Variants in IL6ST observed in about 807,000 individuals in gnomAD.
The protein encoded by IL6ST is interleukin 6 cytokine family signal transducer.
In IL6ST, 24 loss-of-function variants were observed where a neutral mutation model predicts 91.3. The ratio of observed to expected loss-of-function variants is 0.26; its 90% CI spans 0.19 to 0.37. IL6ST has a LOEUF of 0.37. IL6ST is among the 10% of genes least tolerant of loss of function. The pLI, the probability that IL6ST is intolerant of heterozygous loss-of-function variation, is 1.00. For synonymous variants in IL6ST, 351 were observed against 373.6 expected, an observed-to-expected ratio of 0.94 and a Z score of 0.70; for missense variants, 914 against 1,078.5, an observed-to-expected ratio of 0.85 and a Z score of 2.14.
intron 5 of IL6ST, among the ~76,000 whole-genome samples, chr5:55,966,797 A>C (rs1009645324): frequency 1.3e-5 from 2 of 152,176 alleles, no homozygotes; most frequent in African/African-American, 2.4e-5. Context: ...TTCTGTTTGG[A>C]AAAAACAAAT....
intron 11 of IL6ST, among the ~76,000 whole-genome samples, chr5:55,954,548 CTA>C (rs995006918): frequency 1.6e-4 from 25 of 152,248 alleles, no homozygotes; most frequent in Middle Eastern, 3.4e-3. Context: ...TCTCTATACT[CTA>C]TAGTTTTAGG....
intron 15 of IL6ST, among the ~76,000 whole-genome samples, chr5:55,945,130 T>C (rs1227984740): frequency 1.3e-5 from 2 of 149,634 alleles, no homozygotes; most frequent in South Asian, 2.1e-4. Context: ...ATCAAAACTA[T>C]AGTTTTAAAA....
chr5:55,981,145 G>T (rs1753644020), intron 2 of IL6ST, among the ~76,000 whole-genome samples: 1 of 152,178 alleles, frequency 6.6e-6, no homozygotes, highest in South Asian at 2.1e-4. Context: ...CACAAGCAAA[G>T]CGAACTAGGC....
chr5:55,938,257 A>T lies in IL6ST; in HGVS notation c.*2825T>A. ...TTAGGTAGAGAAGAGGTATGAACAC[A>T]GAACATGTGAATGAAATTTGCTTTT... On this transcript the variant is annotated 3_prime_UTR_variant, in exon 17 of 17. Coordinates refer to ENST00000381298, the MANE Select transcript of IL6ST (RefSeq NM_002184.4). 1 of 193,272 alleles carries T rather than the reference A, an allele frequency of 5.2e-6. No homozygotes were observed. The highest frequency in any genetic ancestry group is 1.1e-5 in the Non-Finnish European group (1 of 92,498). 12.0% of individuals were successfully genotyped at this position (193,272 alleles called of 1,614,324 possible). A position where few individuals can be genotyped will look rare whatever the true frequency, so the allele number is the denominator to read the frequency against.
rs1752864414 is a variant in IL6ST at position 55,969,889 on chromosome 5, C to A, written c.65-34G>T. 2.1e-6 allele frequency: 3 copies of A among 1,401,012 alleles called. No individual in the cohort carries two copies. The East Asian group carries it at 6.9e-5, about 32-fold the overall frequency. 86.8% of individuals were successfully genotyped at this position (1,401,012 alleles called of 1,614,324 possible). A position where few individuals can be genotyped will look rare whatever the true frequency, so the allele number is the denominator to read the frequency against. ...GAACAATAGAAAATATATAAATGGA[C>A]TGAATTTTTCTGGTACAAAATGATA... is the stretch of plus-strand genomic sequence containing the variant. On this transcript the variant is annotated intron_variant, in intron 3 of 16. Coordinates refer to ENST00000381298, the MANE Select transcript of IL6ST (RefSeq NM_002184.4).
At chr5:55,953,747 G>A (rs1161637193) in intron 11 of IL6ST, among the ~76,000 whole-genome samples, 1 of 152,226 alleles carries the variant, frequency 6.6e-6, no homozygotes, top group East Asian at 1.9e-4. Flanking sequence ...CCAGCACTTT[G>A]GGAGTTTGAG....
chr5:55,981,790 T>C (rs562343773), intron 2 of IL6ST, among the ~76,000 whole-genome samples: 13 of 152,352 alleles, frequency 8.5e-5, no homozygotes, highest in African/African-American at 3.1e-4. Flanking sequence ...GCATATATTA[T>C]AACCATACAT....
chr5:55,992,260 T>C (rs888526818), intron 1 of IL6ST, among the ~76,000 whole-genome samples: 11 of 152,312 alleles, frequency 7.2e-5, no homozygotes, highest in African/African-American at 2.4e-4. Flanking sequence ...GGTGGACAAT[T>C]AAGGGTGGGT....
chr5:55,964,444 C>CT, intron 5 of IL6ST, 132 bp from the exon 6 acceptor site: 1 of 540,248 alleles, frequency 1.9e-6, no homozygotes, highest in Non-Finnish European at 3.2e-6. Flanking sequence ...CTGCTGGTCA[C>CT]TAACAAAATT....
intron 15 of IL6ST, among the ~76,000 whole-genome samples, chr5:55,945,647 GCT>G (rs1751198585): frequency 3.7e-5 from 2 of 54,232 alleles, no homozygotes; most frequent in Non-Finnish European, 8.0e-5. Context: ...AAAAACTTAT[GCT>G]TTTTTTTTTT....
At chr5:55,968,210 TA>T in intron 5 of IL6ST, 65 bp downstream of exon 5, 1 of 1,327,866 alleles carries the variant, frequency 7.5e-7, no homozygotes, top group Non-Finnish European at 1.0e-6. Context: ...CTTGGTAAAA[TA>T]AAAATTCCAG....
intron 8 of IL6ST, among the ~76,000 whole-genome samples, chr5:55,958,781 G>GGGCT (rs1752132327): frequency 6.6e-6 from 1 of 151,090 alleles, no homozygotes; most frequent in Non-Finnish European, 1.5e-5. Context: ...AGAGGCTGCA[G>GGGCT]CGAGCCGTGT....
chr5:55,960,714 A>ACCTCTC (rs1580818211), intron 7 of IL6ST, among the ~76,000 whole-genome samples, 153 bp from the exon 8 acceptor site: 1 of 151,408 alleles, frequency 6.6e-6, no homozygotes, highest in African/African-American at 2.4e-5. Flanking sequence ...CACAACCTCT[A>ACCTCTC]CCTCTCCCAG....
At chr5:55,959,796 T>C in intron 8 of IL6ST, 1 of 360,756 alleles carries the variant, frequency 2.8e-6, no homozygotes, top group South Asian at 2.5e-5. Flanking sequence ...GTTAGGAGTA[T>C]CTCTGGACAA....
intron 9 of IL6ST, among the ~76,000 whole-genome samples, chr5:55,956,768 CCTTT>C (rs1215981455): frequency 8.5e-5 from 13 of 152,048 alleles, no homozygotes; most frequent in Admixed American, 3.3e-4. Flanking sequence ...TAAAGCATTA[CCTTT>C]CTATTTAGTA....
chr5:55,991,925 ACCATG>A, intron 1 of IL6ST, among the ~76,000 whole-genome samples: 1 of 152,222 alleles, frequency 6.6e-6, no homozygotes, highest in Non-Finnish European at 1.5e-5. Flanking sequence ...GCTTGACCAC[ACCATG>A]CCATTTATAA....
In IL6ST at chr5:55,969,567, A is replaced by G. The variant is rs1487822058; in HGVS notation, c.353T>C (p.Ile118Thr). 3 of 1,607,626 alleles carry G rather than the reference A, an allele frequency of 1.9e-6. No individual in the cohort carries two copies. Among genetic ancestry groups the G allele is most frequent in the Non-Finnish European group, 2.6e-6 (3 of 1,175,248 alleles). ...AAACTTACAGCCTGAAATTATTGTGATTCCATAAACATTCTGTTCAAGCTG... is the reference window on the plus strand; with the variant it reads ...AAACTTACAGCCTGAAATTATTGTGGTTCCATAAACATTCTGTTCAAGCTG... Reference protein sequence around the residue: ...FGQLEQNVYGITIISGLPPEK... With the variant: ...FGQLEQNVYGTTIISGLPPEK... Residue 118 changes from isoleucine (I) to threonine (T), a missense_variant, in exon 4 of 17, where the codon ATC (isoleucine) becomes ACC (threonine). Coordinates refer to ENST00000381298, the MANE Select transcript of IL6ST (RefSeq NM_002184.4).
intron 3 of IL6ST, among the ~76,000 whole-genome samples, chr5:55,972,761 T>C (rs976684225): frequency 1.3e-5 from 2 of 152,124 alleles, no homozygotes; most frequent in African/African-American, 4.8e-5. Flanking sequence ...TCCCAGCACT[T>C]TGGGAGGCCG....
chr5:55,948,119 A>C (rs977879511), intron 14 of IL6ST, among the ~76,000 whole-genome samples: 4 of 152,202 alleles, frequency 2.6e-5, no homozygotes, highest in Non-Finnish European at 5.9e-5. Context: ...CAAAAGGAGG[A>C]TATAGCTGGT....
Sources: gnomAD v4.1 joint callset for allele counts (sites outside exome capture counted in the v4.1 genomes callset) on GRCh38, gnomAD v4.1.1 for gene constraint, MANE v1.5 for transcripts, NCBI Gene and HGNC (gene_info 2026-07-23, HGNC 2026-07-21) for gene names.